Variants in PNPT1 observed in about 807,000 individuals in gnomAD.
PNPT1 encodes the protein polyribonucleotide nucleotidyltransferase 1, also known as polyribonucleotide nucleotidyltransferase 1, mitochondrial.
A neutral mutation model predicts 119.5 loss-of-function variants in PNPT1; 53 were observed. The observed-to-expected ratio is 0.44, with a 90% CI of 0.36 to 0.56. The LOEUF is 0.56. Among genes scored for constraint, PNPT1 ranks in the 20% least tolerant of loss-of-function variants. PNPT1 has a pLI of 0.00. For synonymous variants in PNPT1, 357 were observed against 322.1 expected, an observed-to-expected ratio of 1.11 and a Z score of -1.16; for missense variants, 948 against 938.5, an observed-to-expected ratio of 1.01 and a Z score of -0.13.
chr2:55,657,165 C>A (rs1047838540), intron 15 of PNPT1, among the ~76,000 whole-genome samples: 1 of 151,858 alleles, frequency 6.6e-6, no homozygotes, highest in Non-Finnish European at 1.5e-5. Context: ...CCTGTATCTA[C>A]TAAAAATAGA....
At chr2:55,660,435 A>C (rs927178841) in intron 14 of PNPT1, among the ~76,000 whole-genome samples, 8 of 152,210 alleles carry the variant, frequency 5.3e-5, no homozygotes, top group African/African-American at 1.9e-4. Flanking sequence ...ATAAGTCCTT[A>C]AATATCCAGA....
intron 1 of PNPT1, 26 bp downstream of exon 1, chr2:55,693,637 T>C (rs1158876761): frequency 3.7e-6 from 6 of 1,613,244 alleles, no homozygotes; most frequent in African/African-American, 2.7e-5. Context: ...CTTATGACAA[T>C]ACAGTGAACG....
chr2:55,654,995 T>C, intron 17 of PNPT1, 42 bp from the exon 18 acceptor site: 1 of 1,529,692 alleles, frequency 6.5e-7, no homozygotes, highest in South Asian at 1.2e-5. Context: ...AACTGATTTT[T>C]TTAATGTAGA....
intron 25 of PNPT1, 77 bp downstream of exon 25, chr2:55,643,069 GCACCACTGTATC>G: frequency 7.3e-7 from 1 of 1,367,264 alleles, no homozygotes; most frequent in Non-Finnish European, 1.0e-6. Context: ...AGGTACAATG[GCACCACTGTATC>G]CCACTGTGGG....
rs1461870040 is a variant in PNPT1, at chr2:55,643,265, G to T, written c.2014-52C>A. On this transcript the variant is annotated intron_variant, in intron 24 of 27. Transcript: ENST00000447944. Reference sequence around the variant, plus strand: ...TTCATAAAGAAAACATCAACAAAAAGTAGAAAAAACAAATATAGCTATATG... The same window carrying T: ...TTCATAAAGAAAACATCAACAAAAATTAGAAAAAACAAATATAGCTATATG... 2.5e-6 allele frequency: 4 copies of T among 1,613,208 alleles called. No homozygotes were observed. The South Asian group carries it at 3.3e-5, about 13-fold the overall frequency.
At chr2:55,661,776 T>A (rs965012404) in intron 14 of PNPT1, among the ~76,000 whole-genome samples, 180 bp downstream of exon 14, 4 of 152,146 alleles carry the variant, frequency 2.6e-5, no homozygotes, top group African/African-American at 9.7e-5. Flanking sequence ...AAATCAGTGA[T>A]TTAGAAGACA....
At chr2:55,650,896 G>T (rs1343026506) in intron 18 of PNPT1, among the ~76,000 whole-genome samples, 1 of 148,770 alleles carries the variant, frequency 6.7e-6, no homozygotes, top group South Asian at 2.1e-4. Flanking sequence ...GCAGGGAGGT[G>T]GGGGGGTCAG....
Position 55,647,429 on chromosome 2 carries a change from G to C in PNPT1, c.1520C>G (p.Ala507Gly), listed in dbSNP as rs1023469259. The change falls in exon 19 of 28, where the codon GCA (alanine) becomes GGA (glycine). Residue 507 changes from alanine to glycine, a missense_variant. Coordinates refer to ENST00000447944, the MANE Select transcript of PNPT1 (RefSeq NM_033109.5). ...DSGVPISSAVAGVAIGLVTKT... is the reference protein window; with the variant it reads ...DSGVPISSAVGGVAIGLVTKT... ...GGTGACCAATCCTATTGCTACGCCT[G>C]CAACAGCAGATGAAATTGGAACCCC... is the stretch of plus-strand genomic sequence containing the variant. The C allele has an allele frequency of 1.1e-5, 17 of 1,608,518 alleles. No individual in the cohort carries two copies. In the East Asian group the frequency reaches 3.4e-4, roughly 32 times the overall value.
At chr2:55,668,065 G>C (rs889412051) in intron 11 of PNPT1, 107 bp from the exon 12 acceptor site, 12 of 970,666 alleles carry the variant, frequency 1.2e-5, no homozygotes, top group Non-Finnish European at 1.5e-5. Flanking sequence ...TCAACCAAGG[G>C]AGATGACTCT....
rs1697224525 is a variant in PNPT1 at position 55,680,801 on chromosome 2, T to C, written c.518-42A>G. 2.5e-6 allele frequency: 4 copies of C among 1,611,980 alleles called. No individual in the cohort carries two copies. In the Middle Eastern group the frequency reaches 5.0e-4, roughly 200 times the overall value. Reference sequence around the variant, plus strand: ...AATCAGGGCCGAAATTAAAATTTCATTGCTTTAAAAAAATTTTTAATCTGA... The same window carrying C: ...AATCAGGGCCGAAATTAAAATTTCACTGCTTTAAAAAAATTTTTAATCTGA... On this transcript the variant is annotated intron_variant, in intron 6 of 27. Transcript: ENST00000447944.
intron 3 of PNPT1, among the ~76,000 whole-genome samples, chr2:55,685,475 C>T (rs1418221296): frequency 6.6e-6 from 1 of 152,016 alleles, no homozygotes; most frequent in Non-Finnish European, 1.5e-5. Context: ...CTGCAGTGAA[C>T]TATGATCACA....
In PNPT1 at chr2:55,666,994, T is replaced by C. The variant is rs755302521; in HGVS notation, c.1173A>G (p.Thr391=). ...HGSALFQRGQ[T]QVLCTVTFDS... is the part of the protein sequence containing the mutation. ...TAGAGCTTTTTATATAAATTACCTG[T>C]GTTTGTCCTCTTTGAAATAATGCTG... is the stretch of plus-strand genomic sequence containing the variant. Residue 391 remains threonine (T), a synonymous_variant, in exon 13 of 28, where the codon ACA becomes ACG. Coordinates refer to ENST00000447944, the MANE Select transcript of PNPT1 (RefSeq NM_033109.5). 2.2e-5 allele frequency: 35 copies of C among 1,573,486 alleles called. No individual in the cohort carries two copies. Among genetic ancestry groups the C allele is most frequent in the African/African-American group, 2.7e-5 (2 of 73,032 alleles).
chr2:55,681,087 A>C (rs1697232324), intron 5 of PNPT1, among the ~76,000 whole-genome samples, 169 bp from the exon 6 acceptor site: 1 of 152,242 alleles, frequency 6.6e-6, no homozygotes, highest in African/African-American at 2.4e-5. Context: ...ACTTAAATTA[A>C]ACCTCAAAAG....
At chr2:55,687,600 C>T (rs1251798308) in intron 2 of PNPT1, 45 bp downstream of exon 2, 7 of 1,440,808 alleles carry the variant, frequency 4.9e-6, no homozygotes, top group Non-Finnish European at 6.6e-6. Flanking sequence ...GTATGAGTCT[C>T]CGTAACCATT....
chr2:55,686,920 G>A (rs752389444), intron 2 of PNPT1, among the ~76,000 whole-genome samples: 25 of 152,054 alleles, frequency 1.6e-4, no homozygotes, highest in Non-Finnish European at 3.2e-4. Context: ...ACGAGGTCAA[G>A]AGATTGAGAC....
intron 10 of PNPT1, among the ~76,000 whole-genome samples, chr2:55,671,658 T>C (rs1294351312): frequency 6.6e-6 from 1 of 152,194 alleles, no homozygotes; most frequent in African/African-American, 2.4e-5. Flanking sequence ...CTGGCCAACA[T>C]GGCCGTCTCT....
intron 14 of PNPT1, among the ~76,000 whole-genome samples, chr2:55,661,132 C>G (rs1696558215): frequency 8.2e-6 from 1 of 121,582 alleles, no homozygotes; most frequent in Admixed American, 1.1e-4. Context: ...GAGTCTCGCT[C>G]TGTCGTCCAG....
chr2:55,641,253 TC>T (rs1271435925), intron 25 of PNPT1, among the ~76,000 whole-genome samples: 5 of 151,642 alleles, frequency 3.3e-5, no homozygotes, highest in African/African-American at 1.2e-4. Context: ...TATATGTTCT[TC>T]TGTATTTCTC....
At chr2:55,673,257 T>C (rs374249873) in intron 8 of PNPT1, among the ~76,000 whole-genome samples, 178 bp from the exon 9 acceptor site, 37 of 152,014 alleles carry the variant, frequency 2.4e-4, no homozygotes, top group African/African-American at 8.4e-4. Flanking sequence ...CAGCGGTAAA[T>C]GAATAAAGAC....
Sources: gnomAD v4.1 joint callset for allele counts (sites outside exome capture counted in the v4.1 genomes callset) on GRCh38, gnomAD v4.1.1 for gene constraint, MANE v1.5 for transcripts, NCBI Gene and HGNC (gene_info 2026-07-23, HGNC 2026-07-21) for gene names.